Variants in SEPTIN3 observed in about 807,000 individuals in gnomAD.
SEPTIN3 encodes neuronal-specific septin-3.
In SEPTIN3, 15 loss-of-function variants were observed where a neutral mutation model predicts 45.1. The observed-to-expected ratio is 0.33, with a 90% CI of 0.22 to 0.51. SEPTIN3 has a LOEUF of 0.51. Ranked by LOEUF, SEPTIN3 falls within the 20% of genes least tolerant of loss-of-function variation. The pLI is 0.97. For missense variants in SEPTIN3, 289 were observed against 457.2 expected (o/e 0.63, Z 3.35); for synonymous variants, 148 against 164.8 (o/e 0.90, Z 0.78).
intron 11 of SEPTIN3, chr22:41,996,120 C>G (rs1368461854): frequency 1.0e-6 from 1 of 984,848 alleles, no homozygotes; most frequent in African/African-American, 1.7e-5. Context: ...TCTTTCTCTA[C>G]TTTTCCCTAA....
intron 11 of SEPTIN3, chr22:41,996,391 G>T (rs1169310078): frequency 2.0e-6 from 2 of 985,756 alleles, no homozygotes; most frequent in Non-Finnish European, 2.4e-6. Flanking sequence ...CCCATCTCCT[G>T]GTTCAGCCTA....
intron 3 of SEPTIN3, among the ~76,000 whole-genome samples, chr22:41,984,820 C>T (rs1313905822): frequency 1.3e-5 from 2 of 149,244 alleles, no homozygotes; most frequent in Non-Finnish European, 1.5e-5. Context: ...TGAGCCACTG[C>T]ACCTGGCCTG....
intron 2 of SEPTIN3, among the ~76,000 whole-genome samples, chr22:41,975,559 T>A (rs1455568469): frequency 6.6e-6 from 1 of 152,222 alleles, no homozygotes; most frequent in Non-Finnish European, 1.5e-5. Context: ...TCTACCCGGA[T>A]GTCTCCCGGG....
chr22:41,972,659 C>T lies in SEPTIN3; in HGVS notation c.1167C>T (p.Val389=), dbSNP rs554953626. 2.0e-4 allele frequency: 78 copies of T among 399,132 alleles called. No homozygotes were observed. Among genetic ancestry groups the T allele is most frequent in the Non-Finnish European group, 3.2e-4 (72 of 226,144 alleles). 24.7% of individuals were successfully genotyped at this position (399,132 alleles called of 1,614,324 possible). A position where few individuals can be genotyped will look rare whatever the true frequency, so the allele number is the denominator to read the frequency against. The change falls in exon 2 of 12, where the codon GTC becomes GTT. Residue 389 remains valine, a synonymous_variant. Transcript: ENST00000644076. ...IAMDSATSDP[V]KPDTITATVG... is the part of the protein sequence containing the mutation. The stretch of plus-strand genomic sequence containing the variant: ...TGGATTCAGCAACATCAGACCCAGT[C>T]AAGCCGGACACAATCACAGCTACAG...
chr22:41,987,616 C>A lies in SEPTIN3; in HGVS notation c.1908-6C>A, dbSNP rs751345122. 6.2e-7 allele frequency: 1 copy of A among 1,605,620 alleles called. No individual in the cohort carries two copies. Among genetic ancestry groups the A allele is most frequent in the South Asian group, 1.1e-5 (1 of 90,724 alleles). ...GATGCATCTATCTACTTTCCCTCCCCATCAGCTGGGAGCCCATTGAGAAGT... is the reference window on the plus strand; with the variant it reads ...GATGCATCTATCTACTTTCCCTCCCAATCAGCTGGGAGCCCATTGAGAAGT... On this transcript the variant is annotated splice_polypyrimidine_tract_variant and splice_region_variant and intron_variant, in intron 5 of 11. Coordinates refer to ENST00000644076, the MANE Select transcript of SEPTIN3 (RefSeq NM_001363845.2).
At position 41,981,854 on chromosome 22, in the gene SEPTIN3, G is replaced by A. The variant is rs1434224042; in HGVS notation, c.1696+18G>A. The stretch of plus-strand genomic sequence containing the variant: ...GGTCGTTGGTACGGAAGGCTGTGGG[G>A]CTGCTGCAGGCCTGGTGGCGGGCAG... On this transcript the variant is annotated intron_variant, in intron 3 of 11. Coordinates refer to ENST00000644076, the MANE Select transcript of SEPTIN3 (RefSeq NM_001363845.2). 1.2e-6 allele frequency: 2 copies of A among 1,608,220 alleles called. No individual in the cohort carries two copies. The highest frequency in any genetic ancestry group is 3.3e-5 in the Admixed American group (2 of 59,718).
At chr22:41,995,394 A>G (rs1221779917) in intron 11 of SEPTIN3, 1 of 985,946 alleles carries the variant, frequency 1.0e-6, no homozygotes, top group African/African-American at 1.7e-5. Context: ...TGTCGTGTTC[A>G]GTGTCACAAA....
chr22:41,977,664 C>T (rs1037280663), intron 2 of SEPTIN3, among the ~76,000 whole-genome samples: 2 of 104,334 alleles, frequency 1.9e-5, no homozygotes, highest in Non-Finnish European at 4.1e-5. Flanking sequence ...CTGAAGGCTG[C>T]GGGGGGCTGA....
At chr22:41,993,630 A>T (rs982763450) in intron 9 of SEPTIN3, among the ~76,000 whole-genome samples, 1 of 152,116 alleles carries the variant, frequency 6.6e-6, no homozygotes, top group African/African-American at 2.4e-5. Context: ...TGCTGGGATT[A>T]CAGATGTGAA....
chr22:41,994,595 T>G lies in SEPTIN3; in HGVS notation c.2412-26T>G, dbSNP rs201497644. Reference sequence around the variant, plus strand: ...CTCTTCCTGCCCCTAATTGCAGCCCTCTTCTTCTCACCCTGTGTCCTCTAG... The same window carrying G: ...CTCTTCCTGCCCCTAATTGCAGCCCGCTTCTTCTCACCCTGTGTCCTCTAG... On this transcript the variant is annotated intron_variant, in intron 10 of 11. Transcript: ENST00000644076. The surrounding 1 kb of genome is among the most constrained non-coding windows in gnomAD (Gnocchi z 4.2). 1 of 1,613,642 alleles carries G rather than the reference T, an allele frequency of 6.2e-7. No individual in the cohort carries two copies. The highest frequency in any genetic ancestry group is 2.2e-5 in the East Asian group (1 of 44,884).
intron 1 of SEPTIN3, among the ~76,000 whole-genome samples, chr22:41,969,948 G>C (rs2077941934): frequency 6.6e-6 from 1 of 152,130 alleles, no homozygotes. Context: ...CAGGGCTGCA[G>C]TGATAGGCCA....
chr22:41,993,835 A>G (rs133300), intron 9 of SEPTIN3, among the ~76,000 whole-genome samples: 57,743 of 151,974 alleles, frequency 0.38, 13,485 homozygotes, highest in East Asian at 0.85. Flanking sequence ...TGCTTGGCCA[A>G]TGATTTGCAA....
At chr22:41,984,752 C>T (rs565198275) in intron 3 of SEPTIN3, among the ~76,000 whole-genome samples, 1 of 151,908 alleles carries the variant, frequency 6.6e-6, no homozygotes, top group Non-Finnish European at 1.5e-5. Context: ...TGGTCTCGAA[C>T]TCCTGGCCTC....
At position 41,991,629 on chromosome 22, in the gene SEPTIN3, T is replaced by C. The variant is rs376249942; in HGVS notation, c.2220T>C (p.Asp740=). ...AATTCTACCCCCAGAAGGAATTTGA[T>C]GAGGATTTGGAGGATAAGACGGAGA... ...GIEFYPQKEF[D]EDLEDKTEND... Residue 740 remains aspartate, a synonymous_variant, in exon 8 of 12, where the codon GAT becomes GAC. Transcript: ENST00000644076. The C allele has an allele frequency of 8.1e-6, 13 of 1,614,090 alleles. 1 individual carries two copies. The African/African-American group carries it at 1.6e-4, about 20-fold the overall frequency.
At chr22:41,982,506 C>T (rs1452510461) in intron 3 of SEPTIN3, among the ~76,000 whole-genome samples, 1 of 151,556 alleles carries the variant, frequency 6.6e-6, no homozygotes, top group Non-Finnish European at 1.5e-5. Flanking sequence ...GAAACTCCGC[C>T]TCAAAACAAA....
At chr22:41,985,020 T>C (rs183433987) in intron 3 of SEPTIN3, among the ~76,000 whole-genome samples, 1 of 151,894 alleles carries the variant, frequency 6.6e-6, no homozygotes, top group Non-Finnish European at 1.5e-5. Flanking sequence ...GCCGGGCTAA[T>C]TTTTTGTATT....
intron 9 of SEPTIN3, among the ~76,000 whole-genome samples, chr22:41,993,063 G>T: frequency 6.6e-6 from 1 of 152,198 alleles, no homozygotes; most frequent in East Asian, 1.9e-4. Context: ...AGGGGGATGT[G>T]ATCTGACAAA....
Position 41,997,537 on chromosome 22 carries a change from G to C in SEPTIN3, c.*570G>C, listed in dbSNP as rs1920995561. 6.6e-6 allele frequency: 1 copy of C among 152,450 alleles called. No homozygotes were observed. Among genetic ancestry groups the C allele is most frequent in the Non-Finnish European group, 1.5e-5 (1 of 68,156 alleles). 9.4% of individuals were successfully genotyped at this position (152,450 alleles called of 1,614,324 possible). ...AAAATCACCACTTGTGGCTGTCCCA[G>C]AGTGCGGTTGTACATCCTCCCCACC... On this transcript the variant is annotated 3_prime_UTR_variant, in exon 12 of 12. Transcript: ENST00000644076.
Position 41,994,249 on chromosome 22 carries a change from GAACT to G in SEPTIN3, c.2360-40_2360-37del. On this transcript the variant is annotated intron_variant, in intron 9 of 11. Coordinates refer to ENST00000644076, the MANE Select transcript of SEPTIN3 (RefSeq NM_001363845.2). This position sits in a 1 kb window ranked among gnomAD's most constrained non-coding sequence, Gnocchi z 4.2. Reference sequence around the variant, plus strand: ...ACCTCCTGGGTGTTGCTGTATTAATGAACTGACTACCTGTTTTGCTTTGTTTTGT... The same window carrying G: ...ACCTCCTGGGTGTTGCTGTATTAATGGACTACCTGTTTTGCTTTGTTTTGT... 1 of 1,604,606 alleles carries G rather than the reference GAACT, an allele frequency of 6.2e-7. No homozygotes were observed. Among genetic ancestry groups the G allele is most frequent in the Non-Finnish European group, 8.5e-7 (1 of 1,173,766 alleles).
Sources: allele counts gnomAD v4.1 joint callset (sites outside exome capture counted in the v4.1 genomes callset), GRCh38; gene constraint gnomAD v4.1.1; non-coding constraint Gnocchi (gnomAD v3.1); transcripts MANE v1.5; gene names NCBI Gene and HGNC (gene_info 2026-07-23, HGNC 2026-07-21).